Variants in NUS1 observed in about 807,000 individuals in gnomAD.
NUS1 encodes the protein dehydrodolichyl diphosphate synthase complex subunit NUS1.
For missense variants in NUS1, 292 were observed against 382.9 expected (o/e 0.76, Z 1.98); for synonymous variants, 135 against 155.2 (o/e 0.87, Z 0.97).
intron 1 of NUS1, among the ~76,000 whole-genome samples, chr6:117,680,184 A>G (rs1773039573): frequency 1.3e-5 from 2 of 152,206 alleles, no homozygotes; most frequent in South Asian, 2.1e-4. Flanking sequence ...TCATCTTTCA[A>G]AAATTCAGGT....
chr6:117,677,314 A>G (rs1772998803), intron 1 of NUS1, among the ~76,000 whole-genome samples: 1 of 152,164 alleles, frequency 6.6e-6, no homozygotes, highest in Admixed American at 6.5e-5. Context: ...GAATGAAGGA[A>G]CTTGAGAAGT....
At chr6:117,687,092 AT>A (rs1485388461) in intron 1 of NUS1, among the ~76,000 whole-genome samples, 1 of 152,180 alleles carries the variant, frequency 6.6e-6, no homozygotes, top group African/African-American at 2.4e-5. Context: ...GCCAAGAAAG[AT>A]TCTGTTCCAA....
intron 3 of NUS1, among the ~76,000 whole-genome samples, chr6:117,697,003 T>C (rs2114689504): frequency 6.6e-6 from 1 of 152,116 alleles, no homozygotes; most frequent in Non-Finnish European, 1.5e-5. Context: ...ACAGAAAGTT[T>C]TAAAATGGGG....
At chr6:117,678,636 G>A (rs1235089892) in intron 1 of NUS1, among the ~76,000 whole-genome samples, 1 of 151,004 alleles carries the variant, frequency 6.6e-6, no homozygotes, top group Non-Finnish European at 1.5e-5. Flanking sequence ...CTCAGAGGGA[G>A]TATAGACATG....
intron 3 of NUS1, among the ~76,000 whole-genome samples, chr6:117,701,272 T>C (rs1773404652): frequency 6.8e-6 from 1 of 146,034 alleles, no homozygotes; most frequent in Non-Finnish European, 1.5e-5. Flanking sequence ...TGAGATGGAG[T>C]CTCGCTCTGT....
intron 1 of NUS1, among the ~76,000 whole-genome samples, chr6:117,676,617 T>G (rs1438712070): frequency 6.6e-6 from 1 of 152,154 alleles, no homozygotes; most frequent in African/African-American, 2.4e-5. Flanking sequence ...ATAAAAAATC[T>G]CTTATTCGTT....
intron 1 of NUS1, among the ~76,000 whole-genome samples, chr6:117,683,759 T>C (rs1291602212): frequency 6.6e-6 from 1 of 152,242 alleles, no homozygotes; most frequent in Non-Finnish European, 1.5e-5. Flanking sequence ...TTAAAAGAGA[T>C]AGTAAATGTA....
At chr6:117,690,809 G>C (rs558013968) in intron 1 of NUS1, among the ~76,000 whole-genome samples, 9 of 151,918 alleles carry the variant, frequency 5.9e-5, no homozygotes, top group African/African-American at 2.2e-4. Flanking sequence ...GGCTAACACG[G>C]TGAAACCCCA....
chr6:117,703,376 A>T (rs1008151542), intron 3 of NUS1, among the ~76,000 whole-genome samples: 1 of 152,202 alleles, frequency 6.6e-6, no homozygotes, highest in Non-Finnish European at 1.5e-5. Context: ...ATCAAGTTAA[A>T]CAGACTTTTG....
chr6:117,687,515 G>T (rs1277344025), intron 1 of NUS1, among the ~76,000 whole-genome samples: 1 of 152,176 alleles, frequency 6.6e-6, no homozygotes, highest in East Asian at 1.9e-4. Context: ...GAGGAATGGG[G>T]CACATCTGGC....
At chr6:117,686,461 A>T (rs908798412) in intron 1 of NUS1, among the ~76,000 whole-genome samples, 1 of 152,186 alleles carries the variant, frequency 6.6e-6, no homozygotes, top group African/African-American at 2.4e-5. Context: ...TTTCAGGCCA[A>T]ATTCTTAGAT....
At chr6:117,682,701 G>T (rs1773080020) in intron 1 of NUS1, among the ~76,000 whole-genome samples, 1 of 152,182 alleles carries the variant, frequency 6.6e-6, no homozygotes. Flanking sequence ...GTCATTAGCA[G>T]TTTTACAGAT....
chr6:117,680,136 A>G (rs898781112), intron 1 of NUS1, among the ~76,000 whole-genome samples: 4 of 152,202 alleles, frequency 2.6e-5, no homozygotes, highest in African/African-American at 7.2e-5. Flanking sequence ...ACTACCTGCA[A>G]TATTTCTTGA....
At chr6:117,696,748 C>T (rs1286100441) in intron 3 of NUS1, among the ~76,000 whole-genome samples, 2 of 152,062 alleles carry the variant, frequency 1.3e-5, no homozygotes, top group Non-Finnish European at 2.9e-5. Flanking sequence ...TTATCAGCAC[C>T]ACACTTTCCC....
Position 117,675,793 on chromosome 6 carries a change from C to T in NUS1, c.123C>T (p.Cys41=). The change falls in exon 1 of 5, where the codon TGC becomes TGT. Residue 41 remains cysteine, a synonymous_variant. Coordinates refer to ENST00000368494, the MANE Select transcript of NUS1 (RefSeq NM_138459.5). ...GTWNWIWRRC[C]RAASAAVLAP... The stretch of plus-strand genomic sequence containing the variant: ...GGAACTGGATCTGGCGGCGCTGCTG[C>T]CGCGCCGCCTCTGCCGCGGTCCTAG... The T allele has an allele frequency of 2.9e-5, 45 of 1,563,158 alleles. No individual in the cohort carries two copies. The highest frequency in any genetic ancestry group is 3.9e-5 in the Non-Finnish European group (45 of 1,156,992).
chr6:117,701,815 A>G (rs1403180849), intron 3 of NUS1, among the ~76,000 whole-genome samples: 1 of 152,078 alleles, frequency 6.6e-6, no homozygotes, highest in Non-Finnish European at 1.5e-5. Context: ...TGTTGTCTAT[A>G]AATAAAGATT....
rs1459046402 is a variant in NUS1 at position 117,707,884 on chromosome 6, CTTA to C, written c.*874_*876del. On this transcript the variant is annotated 3_prime_UTR_variant, in exon 5 of 5. Coordinates refer to ENST00000368494, the MANE Select transcript of NUS1 (RefSeq NM_138459.5). The stretch of plus-strand genomic sequence containing the variant: ...TAATCTTGATAGTAAAGGTGGAAAA[CTTA>C]TTATAAATGGAAAGAAAGTTTTATT... 2 of 152,432 alleles carry C rather than the reference CTTA, an allele frequency of 1.3e-5. No individual in the cohort carries two copies. Among genetic ancestry groups the C allele is most frequent in the Admixed American group, 1.3e-4 (2 of 15,280 alleles). 9.4% of individuals were successfully genotyped at this position (152,432 alleles called of 1,614,324 possible). A position where few individuals can be genotyped will look rare whatever the true frequency, so the allele number is the denominator to read the frequency against.
chr6:117,699,556 G>A (rs1323488665), intron 3 of NUS1, among the ~76,000 whole-genome samples: 1 of 152,050 alleles, frequency 6.6e-6, no homozygotes, highest in Non-Finnish European at 1.5e-5. Context: ...TTGTTAAAAC[G>A]TCCATAGTAC....
At chr6:117,698,755 C>T (rs148223767) in intron 3 of NUS1, among the ~76,000 whole-genome samples, 7 of 152,130 alleles carry the variant, frequency 4.6e-5, no homozygotes, top group African/African-American at 1.7e-4. Flanking sequence ...GATAAATGTT[C>T]ATGAAGAAAT....
Sources: gnomAD v4.1 joint callset for allele counts (sites outside exome capture counted in the v4.1 genomes callset) on GRCh38, gnomAD v4.1.1 for gene constraint, MANE v1.5 for transcripts, NCBI Gene and HGNC (gene_info 2026-07-23, HGNC 2026-07-21) for gene names.